Variants in GABRB2 observed in about 807,000 individuals in gnomAD.
The protein encoded by GABRB2 is gamma-aminobutyric acid receptor subunit beta-2.
Under a neutral mutation model 54.7 loss-of-function variants are expected in GABRB2, and 16 were observed. That is an observed-to-expected ratio of 0.29 (90% CI 0.20 to 0.44). The LOEUF is 0.44. GABRB2 is among the 20% of genes least tolerant of loss of function. The pLI is 1.00. For synonymous variants in GABRB2, 244 were observed against 233.8 expected, an observed-to-expected ratio of 1.04 and a Z score of -0.40; for missense variants, 355 against 644.0, an observed-to-expected ratio of 0.55 and a Z score of 4.86.
intron 3 of GABRB2, among the ~76,000 whole-genome samples, chr5:161,509,355 C>T (rs773066625): frequency 2.9e-4 from 44 of 151,664 alleles, no homozygotes; most frequent in Non-Finnish European, 4.7e-4. Context: ...ATGTGTAGAT[C>T]CCTGGATGTC....
At chr5:161,445,631 G>C (rs1398741395) in intron 4 of GABRB2, among the ~76,000 whole-genome samples, 3 of 152,040 alleles carry the variant, frequency 2.0e-5, no homozygotes, top group Non-Finnish European at 2.9e-5. Flanking sequence ...CTATCTGGAG[G>C]CTTCATCTGC....
At position 161,300,328 on chromosome 5, in the gene GABRB2, A is replaced by G. The variant is rs777283642; in HGVS notation, c.1192-5900T>C. On this transcript the variant is annotated intron_variant, in intron 9 of 9. Coordinates refer to ENST00000393959, the MANE Select transcript of GABRB2 (RefSeq NM_001371727.1). The stretch of plus-strand genomic sequence containing the variant: ...TTTCTCCTTTGAAATATCTGTTTTC[A>G]TAAGGTACTTTCTATTTTTAATTTT... Among the ~76,000 whole-genome samples, 3 of 152,286 alleles carry G rather than the reference A, an allele frequency of 2.0e-5. No individual in the cohort carries two copies. In the South Asian group the frequency reaches 6.2e-4, roughly 32 times the overall value.
chr5:161,434,521 CT>C (rs1415305295), intron 4 of GABRB2, among the ~76,000 whole-genome samples: 1 of 152,030 alleles, frequency 6.6e-6, no homozygotes, highest in Non-Finnish European at 1.5e-5. Flanking sequence ...TTCTCAAAAT[CT>C]TTTACTTACC....
At chr5:161,469,127 C>A (rs1338633429) in intron 3 of GABRB2, among the ~76,000 whole-genome samples, 2 of 151,752 alleles carry the variant, frequency 1.3e-5, no homozygotes, top group Non-Finnish European at 2.9e-5. Context: ...TGTGTGATGA[C>A]ATGTCAAGTG....
intron 2 of GABRB2, among the ~76,000 whole-genome samples, chr5:161,545,645 C>T (rs527784914): frequency 6.6e-6 from 1 of 152,042 alleles, no homozygotes; most frequent in African/African-American, 2.4e-5. Flanking sequence ...CCCTCCTCCT[C>T]AGTCTTTCCC....
chr5:161,295,184 G>C (rs954776714), intron 9 of GABRB2, among the ~76,000 whole-genome samples: 1 of 152,196 alleles, frequency 6.6e-6, no homozygotes, highest in Non-Finnish European at 1.5e-5. Context: ...TAGGATTAGA[G>C]AGGAAGCAAC....
intron 2 of GABRB2, 64 bp downstream of exon 2, chr5:161,546,258 G>C: frequency 7.7e-7 from 1 of 1,294,998 alleles, no homozygotes; most frequent in Non-Finnish European, 1.1e-6. Context: ...GGAAGAGAGC[G>C]CGCACAAAGC....
At chr5:161,523,541 A>G (rs1293591575) in intron 3 of GABRB2, among the ~76,000 whole-genome samples, 1 of 151,046 alleles carries the variant, frequency 6.6e-6, no homozygotes, top group Non-Finnish European at 1.5e-5. Context: ...CAGATGTAAG[A>G]AAGTTAAGGT....
intron 5 of GABRB2, among the ~76,000 whole-genome samples, chr5:161,373,356 C>G (rs1414233691): frequency 1.3e-5 from 2 of 152,154 alleles, no homozygotes; most frequent in African/African-American, 4.8e-5. Flanking sequence ...ATTCAGTACA[C>G]TCATAAAATT....
intron 5 of GABRB2, among the ~76,000 whole-genome samples, chr5:161,342,460 A>C (rs2113418912): frequency 6.6e-6 from 1 of 152,208 alleles, no homozygotes; most frequent in African/African-American, 2.4e-5. Context: ...CAATCAATAT[A>C]TTTGGGAGTA....
chr5:161,537,448 A>G (rs550062048), intron 3 of GABRB2, among the ~76,000 whole-genome samples: 2 of 152,214 alleles, frequency 1.3e-5, no homozygotes, highest in Middle Eastern at 6.8e-3. Flanking sequence ...CTATCTGCCC[A>G]CATGCCTCAT....
At chr5:161,465,876 G>A (rs1175437136) in intron 3 of GABRB2, among the ~76,000 whole-genome samples, 1 of 152,040 alleles carries the variant, frequency 6.6e-6, no homozygotes, top group Non-Finnish European at 1.5e-5. Context: ...CTTTTGCAAA[G>A]CCATAAAGTA....
chr5:161,490,574 C>T (rs1380421133), intron 3 of GABRB2, among the ~76,000 whole-genome samples: 1 of 151,694 alleles, frequency 6.6e-6, no homozygotes, highest in African/African-American at 2.4e-5. Context: ...TGCTCATAAG[C>T]ATCCAGAATC....
chr5:161,389,693 T>C (rs1484023471), intron 5 of GABRB2, among the ~76,000 whole-genome samples: 1 of 151,760 alleles, frequency 6.6e-6, no homozygotes, highest in East Asian at 1.9e-4. Context: ...TTAGCAGTGC[T>C]GAGGAAATCT....
chr5:161,337,784 A>C (rs1233955500), intron 5 of GABRB2, among the ~76,000 whole-genome samples: 1 of 151,886 alleles, frequency 6.6e-6, no homozygotes, highest in East Asian at 1.9e-4. Context: ...AAATTCACCC[A>C]CCCTCCAAAA....
At chr5:161,486,857 A>C (rs1183569607) in intron 3 of GABRB2, among the ~76,000 whole-genome samples, 1 of 151,904 alleles carries the variant, frequency 6.6e-6, no homozygotes, top group Non-Finnish European at 1.5e-5. Context: ...TCAGACAAAG[A>C]ATTTTGGACA....
chr5:161,358,594 A>G lies in GABRB2; in HGVS notation c.542-21825T>C, dbSNP rs531320700. 1.0e-3 allele frequency among the ~76,000 whole-genome samples: 158 copies of G among 152,316 alleles called. 3 individuals carry two copies. The highest frequency in any genetic ancestry group is 3.7e-3 in the African/African-American group (152 of 41,582). ...GCTGGCGCCATCCCCTTGAGTGGGC[A>G]AGATGGAGGGATTATATTTAGATGG... On this transcript the variant is annotated intron_variant, in intron 5 of 9. Transcript: ENST00000393959.
At chr5:161,328,587 T>A (rs1753731678) in intron 8 of GABRB2, among the ~76,000 whole-genome samples, 1 of 152,204 alleles carries the variant, frequency 6.6e-6, no homozygotes, top group Admixed American at 6.5e-5. Context: ...TTCAGAACCA[T>A]TGTTCTAAAC....
intron 3 of GABRB2, among the ~76,000 whole-genome samples, chr5:161,513,109 A>T (rs1484927021): frequency 6.6e-6 from 1 of 151,986 alleles, no homozygotes; most frequent in African/African-American, 2.4e-5. Context: ...GATAAAAGGG[A>T]ACGCTTACAC....
Sources: gnomAD v4.1 joint callset for allele counts (sites outside exome capture counted in the v4.1 genomes callset) on GRCh38, gnomAD v4.1.1 for gene constraint, MANE v1.5 for transcripts, NCBI Gene and HGNC (gene_info 2026-07-23, HGNC 2026-07-21) for gene names.